The following SPON1 variants were observed in gnomAD, a reference collection of about 807,000 sequenced individuals.
SPON1 encodes spondin-1.
SPON1 carries 52 observed loss-of-function variants against 111.7 expected under a neutral mutation model. That is an observed-to-expected ratio of 0.47 (90% CI 0.37 to 0.59). The LOEUF (loss-of-function observed/expected upper bound fraction) is 0.59, where lower values mean the gene tolerates loss of function less well. Among genes scored for constraint, SPON1 ranks in the 20% least tolerant of loss-of-function variants. SPON1 has a pLI of 0.00. For synonymous variants in SPON1, 410 were observed against 395.8 expected (o/e 1.04, Z -0.43); for missense variants, 957 against 1,068.5 (o/e 0.90, Z 1.46).
intron 6 of SPON1, among the ~76,000 whole-genome samples, chr11:14,190,472 C>T (rs1271314742): frequency 6.6e-6 from 1 of 151,308 alleles, no homozygotes; most frequent in African/African-American, 2.4e-5. Context: ...TTCTTTCCTC[C>T]TTCTTCCTTC....
At chr11:14,239,829 C>T (rs1848906070) in intron 6 of SPON1, among the ~76,000 whole-genome samples, 1 of 152,202 alleles carries the variant, frequency 6.6e-6, no homozygotes, top group Admixed American at 6.5e-5. Context: ...TTCCTGCCTG[C>T]TGGATTCATA....
At chr11:14,264,677 C>A (rs1173179544) in intron 15 of SPON1, among the ~76,000 whole-genome samples, 1 of 152,166 alleles carries the variant, frequency 6.6e-6, no homozygotes, top group Non-Finnish European at 1.5e-5. Flanking sequence ...CGGTACATTC[C>A]TCCATGACTC....
chr11:14,228,730 G>T lies in SPON1; in HGVS notation c.826-14602G>T, dbSNP rs1324964670. ...GAAGTAAGTCCTTCACTCCTGAAGA[G>T]AGATCTGGACAGAGCGTCACATTGT... On this transcript the variant is annotated intron_variant, in intron 6 of 15. Coordinates refer to ENST00000576479, the MANE Select transcript of SPON1 (RefSeq NM_006108.4). The surrounding 1 kb of genome is among the most constrained non-coding windows in gnomAD (Gnocchi z 4.2). 6.6e-6 allele frequency among the ~76,000 whole-genome samples: 1 copy of T among 152,218 alleles called. No individual in the cohort carries two copies. Among genetic ancestry groups the T allele is most frequent in the Middle Eastern group, 3.2e-3 (1 of 316 alleles).
At chr11:14,118,158 T>C (rs1849280109) in intron 5 of SPON1, among the ~76,000 whole-genome samples, 2 of 152,214 alleles carry the variant, frequency 1.3e-5, no homozygotes, top group South Asian at 4.1e-4. Flanking sequence ...TTACTGCTCC[T>C]GCTAAGCTTC....
At chr11:14,063,194 C>T (rs782008988) in intron 3 of SPON1, among the ~76,000 whole-genome samples, 12 of 152,100 alleles carry the variant, frequency 7.9e-5, no homozygotes, top group Admixed American at 1.3e-4. Flanking sequence ...TAATTTATTC[C>T]TTGCCAACTT....
At chr11:14,089,444 G>A (rs372241688) in intron 5 of SPON1, among the ~76,000 whole-genome samples, 17 of 152,150 alleles carry the variant, frequency 1.1e-4, no homozygotes, top group East Asian at 3.9e-4. Context: ...CCCTGTTCTC[G>A]TGGGTATCAC....
chr11:14,048,358 T>G (rs1848684972), intron 3 of SPON1, among the ~76,000 whole-genome samples: 1 of 152,174 alleles, frequency 6.6e-6, no homozygotes, highest in Non-Finnish European at 1.5e-5. Context: ...GCATTTGTGT[T>G]GTGGTGTTTG....
At chr11:14,245,262 C>T (rs1490196633) in intron 7 of SPON1, among the ~76,000 whole-genome samples, 3 of 152,080 alleles carry the variant, frequency 2.0e-5, no homozygotes, top group African/African-American at 7.2e-5. Context: ...GGCGAGGCAC[C>T]TGATACCTGC....
intron 6 of SPON1, among the ~76,000 whole-genome samples, chr11:14,161,634 A>G (rs1203396407): frequency 6.6e-6 from 1 of 151,874 alleles, no homozygotes; most frequent in Non-Finnish European, 1.5e-5. Context: ...ACTTACATTA[A>G]CCCAAAGTTG....
intron 5 of SPON1, among the ~76,000 whole-genome samples, chr11:14,086,379 C>T (rs1230288796): frequency 1.3e-5 from 2 of 152,098 alleles, no homozygotes; most frequent in Non-Finnish European, 2.9e-5. Context: ...TTACTGAAGG[C>T]TTTTTCTGCA....
At chr11:14,081,964 T>C (rs747415189) in intron 5 of SPON1, among the ~76,000 whole-genome samples, 10 of 152,152 alleles carry the variant, frequency 6.6e-5, no homozygotes, top group Non-Finnish European at 1.2e-4. Flanking sequence ...CTGATCTGCA[T>C]CAGCTGTGTG....
chr11:14,070,018 T>C (rs1848862778), intron 3 of SPON1, among the ~76,000 whole-genome samples: 1 of 152,190 alleles, frequency 6.6e-6, no homozygotes, highest in Non-Finnish European at 1.5e-5. Flanking sequence ...GTGTGCATCC[T>C]GGCATGTACA....
At position 14,259,626 on chromosome 11, in the gene SPON1, A is replaced by C. The variant is rs1375990218; in HGVS notation, c.1756A>C (p.Lys586Gln). ...CATGAAGAAGCGGCACCGCATGATCAAGATGAACCCCGCAGATGGCTCCAT... is the reference window on the plus strand; with the variant it reads ...CATGAAGAAGCGGCACCGCATGATCCAGATGAACCCCGCAGATGGCTCCAT... ...MGMKKRHRMI[K>Q]MNPADGSMCK... The change falls in exon 13 of 16, where the codon AAG becomes CAG. Residue 586 changes from lysine (K) to glutamine (Q), a missense_variant. This residue lies in a region of SPON1 where 549 missense variants were observed against 606.2 expected (regional missense o/e 0.91). Transcript: ENST00000576479. The surrounding 1 kb of genome is among the most constrained non-coding windows in gnomAD (Gnocchi z 5.0). The C allele has an allele frequency of 6.4e-7, 1 of 1,562,420 alleles. No homozygotes were observed. The highest frequency in any genetic ancestry group is 8.7e-7 in the Non-Finnish European group (1 of 1,153,460).
At chr11:13,997,805 G>A (rs1428223989) in intron 2 of SPON1, among the ~76,000 whole-genome samples, 1 of 152,152 alleles carries the variant, frequency 6.6e-6, no homozygotes, top group Non-Finnish European at 1.5e-5. Context: ...TTCAATGTGG[G>A]TGGTTGGCTG....
rs987739598 is a variant in SPON1, at chr11:14,245,840, C to T, written c.890+2444C>T. 8.5e-5 allele frequency among the ~76,000 whole-genome samples: 13 copies of T among 152,220 alleles called. No homozygotes were observed. In the East Asian group the frequency reaches 1.2e-3, roughly 14 times the overall value. On this transcript the variant is annotated intron_variant, in intron 7 of 15. Coordinates refer to ENST00000576479, the MANE Select transcript of SPON1 (RefSeq NM_006108.4). ...CCTTGCCCTCCAAGGAGAAGCAACA[C>T]GAGGCAGGGCCTACCCAGGGCACTC...
chr11:14,155,132 A>C (rs1054043980), intron 6 of SPON1, among the ~76,000 whole-genome samples: 1 of 152,186 alleles, frequency 6.6e-6, no homozygotes, highest in Non-Finnish European at 1.5e-5. Flanking sequence ...GAAAGTTCCA[A>C]ACTTTCCCTC....
chr11:14,165,102 C>T (rs2133878128), intron 6 of SPON1, among the ~76,000 whole-genome samples: 1 of 152,140 alleles, frequency 6.6e-6, no homozygotes, highest in East Asian at 1.9e-4. Context: ...AGAAGGAGAC[C>T]TGCTTTGACA....
At chr11:14,034,879 C>T (rs1848583101) in intron 2 of SPON1, among the ~76,000 whole-genome samples, 1 of 152,188 alleles carries the variant, frequency 6.6e-6, no homozygotes, top group African/African-American at 2.4e-5. Context: ...AGTGTAGTCA[C>T]CCAGAACCTT....
intron 1 of SPON1, among the ~76,000 whole-genome samples, chr11:13,982,319 A>G (rs1406801881): frequency 6.6e-6 from 1 of 152,142 alleles, no homozygotes; most frequent in Non-Finnish European, 1.5e-5. Flanking sequence ...ATGTCTGTCC[A>G]TGACTTCCAC....
Sources: gnomAD v4.1 joint callset for allele counts (sites outside exome capture counted in the v4.1 genomes callset) on GRCh38, gnomAD v4.1.1 for gene constraint, gnomAD v4.1.1 regional missense constraint, Gnocchi (gnomAD v3.1) non-coding constraint, MANE v1.5 for transcripts, NCBI Gene and HGNC (gene_info 2026-07-23, HGNC 2026-07-21) for gene names.